PKD1L1: variants seen among roughly 807,000 people sequenced by gnomAD.
The protein encoded by PKD1L1 is polycystin 1 like 1, transient receptor potential channel interacting.
Under a neutral mutation model 323.4 loss-of-function variants are expected in PKD1L1, and 236 were observed. That is an observed-to-expected ratio of 0.73 (90% CI 0.66 to 0.81). PKD1L1 has a LOEUF of 0.81. Among genes scored for constraint, PKD1L1 ranks in the 40% least tolerant of loss-of-function variants. The pLI, the probability that PKD1L1 is intolerant of heterozygous loss-of-function variation, is 0.00. For missense variants in PKD1L1, 3,320 were observed against 3,508.0 expected (o/e 0.95, Z 1.35); for synonymous variants, 1,344 against 1,335.0 (o/e 1.01, Z -0.15).
rs560253616 is a variant in PKD1L1, at chr7:47,821,143, C to T, written c.6898G>A (p.Val2300Ile). Residue 2300 changes from valine (V) to isoleucine (I), a missense_variant, in exon 46 of 57, where the codon GTA (valine) becomes ATA (isoleucine). Val to Ile is a conservative substitution (Grantham distance 29). Transcript: ENST00000289672. ...TCTTGGGAAAATCTCCCATATATTA[C>T]ACACAAAAGCAGAAGCAGCATGAGG... ...DILMLLLLLC[V>I]IYGRFSQDEY... 585 of 1,610,550 alleles carry T rather than the reference C, an allele frequency of 3.6e-4. 6 individuals carry two copies. In the Admixed American group the frequency reaches 7.9e-3, roughly 22 times the overall value.
In PKD1L1 at chr7:47,829,507, G is replaced by C; in HGVS notation, c.6653C>G (p.Ser2218Cys). ...SLCEATRDLD[S>C]ELAERSWTRL... is the part of the protein sequence containing the mutation. ...AGTCCAGGAACGTTCTGCCAATTCAGAGTCCAGATCCCTGGTAGCCTCACA... is the reference window on the plus strand; with the variant it reads ...AGTCCAGGAACGTTCTGCCAATTCACAGTCCAGATCCCTGGTAGCCTCACA... The change falls in exon 44 of 57, where the codon TCT (serine) becomes TGT (cysteine). Residue 2218 changes from serine (S) to cysteine (C), a missense_variant. Physicochemically the swap from Ser to Cys is moderately radical, Grantham distance 112. Transcript: ENST00000289672. 6.2e-7 allele frequency: 1 copy of C among 1,614,178 alleles called. No homozygotes were observed. Among genetic ancestry groups the C allele is most frequent in the South Asian group, 1.1e-5 (1 of 91,082 alleles).
chr7:47,845,926 G>A (rs1451644234), intron 32 of PKD1L1, among the ~76,000 whole-genome samples: 1 of 152,202 alleles, frequency 6.6e-6, no homozygotes, highest in African/African-American at 2.4e-5. Context: ...GTGCCTAGCA[G>A]AGAGTAGTTA....
Position 47,777,135 on chromosome 7 carries a change from G to A in PKD1L1, c.8527-1969C>T, listed in dbSNP as rs541304924. Among the ~76,000 whole-genome samples, 18 of 152,216 alleles carry A rather than the reference G, an allele frequency of 1.2e-4. 1 individual carries two copies. Among genetic ancestry groups the A allele is most frequent in the Middle Eastern group, 3.4e-3 (1 of 294 alleles). ...TGGAAATCCCAGCCTCAAGTGATCCGTCCACTTCAGACTCCCAAAGTGCTG... is the reference window on the plus strand; with the variant it reads ...TGGAAATCCCAGCCTCAAGTGATCCATCCACTTCAGACTCCCAAAGTGCTG... On this transcript the variant is annotated intron_variant, in intron 56 of 56. Transcript: ENST00000289672.
Position 47,876,127 on chromosome 7 carries a change from G to A in PKD1L1, c.3754C>T (p.Pro1252Ser), listed in dbSNP as rs928121680. 1.1e-5 allele frequency: 17 copies of A among 1,614,018 alleles called. No homozygotes were observed. Among genetic ancestry groups the A allele is most frequent in the Non-Finnish European group, 1.4e-5 (17 of 1,179,950 alleles). The change falls in exon 23 of 57, where the codon CCA (proline) becomes TCA (serine). Residue 1252 changes from proline to serine, a missense_variant. Physicochemically the swap from Pro to Ser is moderately conservative, Grantham distance 74. Transcript: ENST00000289672. The part of the protein sequence containing the change: ...GRDTQYYFVL[P>S]AGEHLDNYKV... Reference sequence around the variant, plus strand: ...TAATTGTCCAAGTGCTCACCAGCTGGCAACACAAAATAATACTGGGTGTCT... The same window carrying A: ...TAATTGTCCAAGTGCTCACCAGCTGACAACACAAAATAATACTGGGTGTCT...
chr7:47,808,518 C>T (rs762904111), intron 51 of PKD1L1, 131 bp from the exon 52 acceptor site: 122 of 1,121,804 alleles, frequency 1.1e-4, no homozygotes, highest in Non-Finnish European at 1.4e-4. Context: ...AGAAATGCAT[C>T]GCTGGGTGAT....
intron 15 of PKD1L1, among the ~76,000 whole-genome samples, chr7:47,891,706 T>C (rs1003152017): frequency 5.3e-5 from 8 of 152,238 alleles, no homozygotes; most frequent in African/African-American, 1.9e-4. Flanking sequence ...GGGGTTTAGC[T>C]GGAATATTCT....
Position 47,853,239 on chromosome 7 carries a change from A to C in PKD1L1, c.4860-12T>G. ...GTTTCTCAGAGAATCTAGGAGATAA[A>C]AACAAAATAGGGATTTCTCATTTTT... On this transcript the variant is annotated splice_polypyrimidine_tract_variant and intron_variant, in intron 30 of 56. Coordinates refer to ENST00000289672, the MANE Select transcript of PKD1L1 (RefSeq NM_138295.5). 1 of 1,542,302 alleles carries C rather than the reference A, an allele frequency of 6.5e-7. No individual in the cohort carries two copies. Among genetic ancestry groups the C allele is most frequent in the Non-Finnish European group, 9.0e-7 (1 of 1,116,280 alleles).
At chr7:47,905,694 T>C (rs1787188592) in intron 10 of PKD1L1, 149 bp downstream of exon 10, 2 of 1,131,604 alleles carry the variant, frequency 1.8e-6, no homozygotes, top group Non-Finnish European at 2.5e-6. Flanking sequence ...CCAGAACAAA[T>C]GGCAGATGAA....
chr7:47,922,338 T>C (rs1787562225), intron 7 of PKD1L1, among the ~76,000 whole-genome samples: 1 of 152,124 alleles, frequency 6.6e-6, no homozygotes, highest in African/African-American at 2.4e-5. Context: ...CACTACCCCG[T>C]CTAGGAAGTG....
chr7:47,951,883 G>A (rs1788210008), upstream of PKD1L1, among the ~76,000 whole-genome samples: 1 of 152,092 alleles, frequency 6.6e-6, no homozygotes, highest in African/African-American at 2.4e-5. Context: ...CTCATCTTCT[G>A]CCTGCTTCAG....
At chr7:47,838,990 G>A (rs778198739) in intron 36 of PKD1L1, among the ~76,000 whole-genome samples, 3 of 151,820 alleles carry the variant, frequency 2.0e-5, no homozygotes, top group African/African-American at 4.8e-5. Context: ...CAAAAATCAC[G>A]ACTTCCATGG....
At chr7:47,920,861 C>A (rs1176559459) in intron 7 of PKD1L1, among the ~76,000 whole-genome samples, 1 of 152,160 alleles carries the variant, frequency 6.6e-6, no homozygotes, top group Non-Finnish European at 1.5e-5. Context: ...GAAACTGGAT[C>A]CTCATCTCTC....
In PKD1L1 at chr7:47,915,264, T is replaced by G. The variant is rs79391582; in HGVS notation, c.1228+168A>C. 1.1e-3 allele frequency among the ~76,000 whole-genome samples: 170 copies of G among 152,336 alleles called. 1 individual carries two copies. The highest frequency in any genetic ancestry group is 1.9e-3 in the Non-Finnish European group (129 of 68,032). ...TGTCTTAAAACTGCTAGCTATCCCA[T>G]GAGTGGCTATAAATTAACCTAACAA... On this transcript the variant is annotated intron_variant, in intron 8 of 56. Coordinates refer to ENST00000289672, the MANE Select transcript of PKD1L1 (RefSeq NM_138295.5).
chr7:47,861,487 G>A (rs1786020988), intron 26 of PKD1L1, among the ~76,000 whole-genome samples: 2 of 152,144 alleles, frequency 1.3e-5, no homozygotes, highest in Admixed American at 1.3e-4. Context: ...GGACATAAGG[G>A]GCATCCCGAA....
At chr7:47,885,617 T>C in intron 18 of PKD1L1, 69 bp downstream of exon 18, 1 of 1,538,616 alleles carries the variant, frequency 6.5e-7, no homozygotes, top group Non-Finnish European at 8.7e-7. Flanking sequence ...ACCCACCAGA[T>C]TCACTGCTTC....
the PKD1L1 span, among the ~76,000 whole-genome samples, chr7:47,958,993 C>T: frequency 2.0e-5 from 3 of 152,196 alleles, no homozygotes; most frequent in South Asian, 2.1e-4. Flanking sequence ...GACTGGTTTT[C>T]GTATTTTTTT....
rs1013647124 is a variant in PKD1L1, at chr7:47,941,985, C to G, written c.160+1411G>C. On this transcript the variant is annotated intron_variant, in intron 2 of 56. Coordinates refer to ENST00000289672, the MANE Select transcript of PKD1L1 (RefSeq NM_138295.5). ...GATATTTATAGGTTTTTTGAATAAACATGGAAACTGACTCTCCTAGTCTTA... is the reference window on the plus strand; with the variant it reads ...GATATTTATAGGTTTTTTGAATAAAGATGGAAACTGACTCTCCTAGTCTTA... Among the ~76,000 whole-genome samples, 3 of 152,122 alleles carry G rather than the reference C, an allele frequency of 2.0e-5. 1 individual carries two copies. In the East Asian group the frequency reaches 5.8e-4, roughly 29 times the overall value.
In PKD1L1 at chr7:47,929,204, CTT is replaced by C. The variant is rs746133743; in HGVS notation, c.1058_1059del (p.Lys353ArgfsTer34). The C allele has an allele frequency of 5.9e-5, 95 of 1,613,312 alleles. No individual in the cohort carries two copies. The highest frequency in any genetic ancestry group is 8.0e-5 in the Non-Finnish European group (94 of 1,179,388). ...MAVTAYHQYSKGIFFHLLHFQ... is the reference protein window; with the variant it reads ...MAVTAYHQYSXGIFFHLLHFQ... ...CTGATAAGGACACCATGCACCTTAC[CTT>C]TTGAGTACTGGTGGTAGGCAGTCAC... On this transcript the variant is annotated frameshift_variant and splice_region_variant, in exon 7 of 57. Coordinates refer to ENST00000289672, the MANE Select transcript of PKD1L1 (RefSeq NM_138295.5). LOFTEE classifies it high-confidence loss of function.
rs752793974 is a variant in PKD1L1, at chr7:47,846,941, T to A, written c.5091A>T (p.Arg1697Ser). 1.2e-6 allele frequency: 2 copies of A among 1,613,858 alleles called. No individual in the cohort carries two copies. Among genetic ancestry groups the A allele is most frequent in the Non-Finnish European group, 1.7e-6 (2 of 1,179,898 alleles). Residue 1697 changes from arginine to serine, a missense_variant, in exon 32 of 57, where the codon AGA (arginine) becomes AGT (serine). By Grantham distance (110) the Arg-to-Ser change is moderately radical. Coordinates refer to ENST00000289672, the MANE Select transcript of PKD1L1 (RefSeq NM_138295.5). ...QWIRCLFWDK[R>S]EWKSERFSPQ... ...GAGAGAAACGTTCAGATTTCCACTC[T>A]CTCTTGTCCCAAAACAGGCATCGGA...
Sources: gnomAD v4.1 joint callset for allele counts (sites outside exome capture counted in the v4.1 genomes callset) on GRCh38, gnomAD v4.1.1 for gene constraint, MANE v1.5 for transcripts, NCBI Gene and HGNC (gene_info 2026-07-23, HGNC 2026-07-21) for gene names.